NXN: variants seen among roughly 807,000 people sequenced by gnomAD.
NXN encodes the protein nucleoredoxin 1.
NXN carries 16 observed loss-of-function variants against 48.6 expected under a neutral mutation model. That is an observed-to-expected ratio of 0.33 (90% confidence interval 0.22 to 0.50). NXN has a LOEUF of 0.50. Among genes scored for constraint, NXN ranks in the 20% least tolerant of loss-of-function variants. The probability of loss-of-function intolerance (pLI) is 0.98; values close to 1 mark genes in which losing one functional copy is unlikely to be tolerated. For missense variants in NXN, 492 were observed against 605.5 expected (o/e 0.81, Z 1.97); for synonymous variants, 281 against 269.6 (o/e 1.04, Z -0.41).
rs61197180 is a variant in NXN at position 822,487 on chromosome 17, G to A, written c.613-30C>T. 0.061 allele frequency: 94,133 copies of A among 1,533,490 alleles called. 3,707 individuals are homozygous for A. The highest frequency in any genetic ancestry group is 0.18 in the African/African-American group (13,473 of 73,350). 95.0% of individuals were successfully genotyped at this position (1,533,490 alleles called of 1,614,324 possible). On this transcript the variant is annotated intron_variant, in intron 3 of 7. Coordinates refer to ENST00000336868, the MANE Select transcript of NXN (RefSeq NM_022463.5). ...AAGACAGGACAGCAAGACCCGCTGC[G>A]TCACGCTGCTTCTCCACCTCCCAGC...
chr17:855,195 G>C (rs891243112), intron 1 of NXN, among the ~76,000 whole-genome samples: 1 of 152,168 alleles, frequency 6.6e-6, no homozygotes, highest in African/African-American at 2.4e-5. Flanking sequence ...AGGATCACTT[G>C]AGCCTAGGAG....
intron 1 of NXN, among the ~76,000 whole-genome samples, chr17:938,812 C>A (rs1413682402): frequency 6.6e-6 from 1 of 152,122 alleles, no homozygotes; most frequent in African/African-American, 2.4e-5. Flanking sequence ...GTAATCCCAG[C>A]ACTTTGGTAG....
intron 5 of NXN, 135 bp downstream of exon 5, chr17:819,304 C>G: frequency 1.4e-6 from 1 of 727,496 alleles, no homozygotes; most frequent in Non-Finnish European, 2.4e-6. Context: ...TTCTACACTG[C>G]TGAGAAACAT....
At chr17:957,207 C>A (rs2069180475) in intron 1 of NXN, among the ~76,000 whole-genome samples, 1 of 152,002 alleles carries the variant, frequency 6.6e-6, no homozygotes, top group Non-Finnish European at 1.5e-5. Flanking sequence ...TGAGAGCGTC[C>A]TCATCCCTGT....
intron 1 of NXN, among the ~76,000 whole-genome samples, chr17:883,077 G>C (rs909268406): frequency 2.1e-4 from 32 of 152,188 alleles, no homozygotes; most frequent in African/African-American, 7.2e-4. Context: ...AAACTTGGCT[G>C]TGTGTAGTGG....
intron 1 of NXN, among the ~76,000 whole-genome samples, chr17:913,165 G>C (rs936143993): frequency 1.3e-5 from 2 of 152,078 alleles, no homozygotes; most frequent in Admixed American, 1.3e-4. Flanking sequence ...AACATAAATA[G>C]AGGCTAACTT....
At chr17:979,259 G>GCGGGCAGGGGTAACGGGCGTGGGGGT (rs2069505465) in intron 1 of NXN, 60 bp downstream of exon 1, 3 of 1,211,744 alleles carry the variant, frequency 2.5e-6, no homozygotes, top group African/African-American at 1.9e-5. Context: ...GGCGTGGGGG[G>GCGGGCAGGGGTAACGGGCGTGGGGGT]CGGGCAGGGG....
rs914588600 is a variant in NXN at position 926,795 on chromosome 17, G to A, written c.360+52524C>T. 5.9e-4 allele frequency among the ~76,000 whole-genome samples: 89 copies of A among 151,760 alleles called. 1 individual carries two copies. Among genetic ancestry groups the A allele is most frequent in the Non-Finnish European group, 1.2e-4 (8 of 67,966 alleles). On this transcript the variant is annotated intron_variant, in intron 1 of 7. Transcript: ENST00000336868. The stretch of plus-strand genomic sequence containing the variant: ...GAGCTCAAGCGATCTGCCCGCCTTG[G>A]CCTCCCAAAGAGCTGGGATTCCAGG...
At chr17:841,496 GCGCATCTCACACGGGCGA>G (rs1230938745) in intron 1 of NXN, among the ~76,000 whole-genome samples, 64 of 140,032 alleles carry the variant, frequency 4.6e-4, no homozygotes, top group East Asian at 3.6e-3. Context: ...CCTGACCACG[GCGCATCTCACACGGGCGA>G]GCAGGTCCCC....
intron 1 of NXN, among the ~76,000 whole-genome samples, chr17:952,109 T>C (rs958334208): frequency 5.3e-5 from 8 of 151,264 alleles, no homozygotes; most frequent in Admixed American, 2.6e-4. Flanking sequence ...GAGAAACTCA[T>C]GACAGTTACC....
intron 5 of NXN, among the ~76,000 whole-genome samples, chr17:809,093 G>A (rs952399732): frequency 6.6e-6 from 1 of 152,204 alleles, no homozygotes; most frequent in East Asian, 1.9e-4. Flanking sequence ...TGGGCTGGAA[G>A]AAGTTAGCTA....
intron 1 of NXN, among the ~76,000 whole-genome samples, chr17:841,634 GTCC>G (rs1914304266): frequency 6.9e-6 from 1 of 144,084 alleles, no homozygotes; most frequent in Non-Finnish European, 1.5e-5. Flanking sequence ...GGGCAAGCAG[GTCC>G]ACCCTGACCA....
At chr17:921,845 T>C (rs1215211033) in intron 1 of NXN, among the ~76,000 whole-genome samples, 1 of 152,020 alleles carries the variant, frequency 6.6e-6, no homozygotes, top group Non-Finnish European at 1.5e-5. Flanking sequence ...GCCCAGGCTC[T>C]CTCCCTCATT....
intron 1 of NXN, among the ~76,000 whole-genome samples, chr17:876,885 A>G (rs1217816746): frequency 6.6e-6 from 1 of 152,014 alleles, no homozygotes; most frequent in Non-Finnish European, 1.5e-5. Context: ...CGTCTCTACT[A>G]AAAACACAAA....
chr17:895,393 A>T (rs573510231), intron 1 of NXN, among the ~76,000 whole-genome samples: 1 of 152,220 alleles, frequency 6.6e-6, no homozygotes. Flanking sequence ...CAAAAAAATG[A>T]GAGAAAATGA....
intron 1 of NXN, among the ~76,000 whole-genome samples, chr17:965,050 G>C (rs2069285845): frequency 2.6e-5 from 4 of 152,144 alleles, no homozygotes; most frequent in Non-Finnish European, 1.5e-5. Flanking sequence ...GCGCCTTCTG[G>C]ACAAATGGGG....
intron 1 of NXN, chr17:929,646 T>C (rs943625204): frequency 2.6e-5 from 4 of 152,226 alleles, no homozygotes; most frequent in Admixed American, 2.0e-4. Context: ...TAGCTTAGCA[T>C]TTCCCACCAT....
intron 1 of NXN, among the ~76,000 whole-genome samples, chr17:971,004 T>C (rs1229692456): frequency 6.7e-6 from 1 of 149,742 alleles, no homozygotes; most frequent in Non-Finnish European, 1.5e-5. Context: ...TGGAGTACAG[T>C]GGTGCGATCT....
intron 1 of NXN, among the ~76,000 whole-genome samples, chr17:953,080 G>A (rs1490280776): frequency 6.6e-6 from 1 of 152,170 alleles, no homozygotes; most frequent in Non-Finnish European, 1.5e-5. Flanking sequence ...TCAGTCCACA[G>A]AAGCCATGAC....
Sources: gnomAD v4.1 joint callset for allele counts (sites outside exome capture counted in the v4.1 genomes callset) on GRCh38, gnomAD v4.1.1 for gene constraint, MANE v1.5 for transcripts, NCBI Gene and HGNC (gene_info 2026-07-23, HGNC 2026-07-21) for gene names.